PTPRZ1: variants seen among roughly 807,000 people sequenced by gnomAD.
PTPRZ1 encodes the protein protein tyrosine phosphatase receptor type Z1.
In PTPRZ1, 82 loss-of-function variants were observed where a neutral mutation model predicts 214.1. The ratio of observed to expected loss-of-function variants is 0.38; its 90% CI spans 0.32 to 0.46. PTPRZ1 has a LOEUF of 0.46. PTPRZ1 is among the 20% of genes least tolerant of loss of function. PTPRZ1 has a pLI of 1.00. For synonymous variants in PTPRZ1, 945 were observed against 987.9 expected (o/e 0.96, Z 0.81); for missense variants, 2,603 against 2,748.7 (o/e 0.95, Z 1.19).
chr7:122,022,894 G>T (rs545571652), intron 13 of PTPRZ1, among the ~76,000 whole-genome samples: 96 of 152,200 alleles, frequency 6.3e-4, no homozygotes, highest in African/African-American at 2.0e-3. Context: ...CAATGGAATC[G>T]AACTGAGAAC....
chr7:121,907,084 CTA>C (rs1459562053), intron 1 of PTPRZ1, among the ~76,000 whole-genome samples: 2 of 151,964 alleles, frequency 1.3e-5, no homozygotes, highest in Admixed American at 1.3e-4. Flanking sequence ...AAAATAAACA[CTA>C]TTCATAGAGT....
chr7:122,013,277 G>C lies in PTPRZ1; in HGVS notation c.4231G>C (p.Gly1411Arg), dbSNP rs141812059. ...ELSHSAKSDA[G>R]LVGGGEDGDT... is the part of the protein sequence containing the mutation. Reference sequence around the variant, plus strand: ...GAGTCATAGTGCCAAATCTGATGCCGGTTTAGTGGGTGGTGGTGAAGATGG... The same window carrying C: ...GAGTCATAGTGCCAAATCTGATGCCCGTTTAGTGGGTGGTGGTGAAGATGG... The change falls in exon 12 of 30, where the codon GGT (glycine) becomes CGT (arginine). Residue 1411 changes from glycine (G) to arginine (R), a missense_variant. By Grantham distance (125) the Gly-to-Arg change is moderately radical (BLOSUM62 -2). Coordinates refer to ENST00000393386, the MANE Select transcript of PTPRZ1 (RefSeq NM_002851.3). 1.2e-6 allele frequency: 2 copies of C among 1,613,426 alleles called. No homozygotes were observed. The highest frequency in any genetic ancestry group is 8.5e-7 in the Non-Finnish European group (1 of 1,179,962).
chr7:121,991,320 A>T (rs1797954926), intron 8 of PTPRZ1, among the ~76,000 whole-genome samples: 1 of 152,222 alleles, frequency 6.6e-6, no homozygotes, highest in African/African-American at 2.4e-5. Context: ...CAAGTTTTTC[A>T]TGATTAAGGT....
chr7:122,010,574 T>C lies in PTPRZ1; in HGVS notation c.1528T>C (p.Leu510=), dbSNP rs1449854017. 6 of 1,613,498 alleles carry C rather than the reference T, an allele frequency of 3.7e-6. No individual in the cohort carries two copies. The South Asian group carries it at 6.6e-5, about 18-fold the overall frequency. Residue 510 remains leucine (L), a synonymous_variant, in exon 12 of 30, where the codon TTA becomes CTA. Coordinates refer to ENST00000393386, the MANE Select transcript of PTPRZ1 (RefSeq NM_002851.3). ...TTCCACTTCCCAACCAGTCACTAAATTAGCCACAGAAAAAGATATTTCCTT... is the reference window on the plus strand; with the variant it reads ...TTCCACTTCCCAACCAGTCACTAAACTAGCCACAGAAAAAGATATTTCCTT... The part of the protein sequence containing the change: ...LNSTSQPVTK[L]ATEKDISLTS...
intron 1 of PTPRZ1, among the ~76,000 whole-genome samples, chr7:121,914,789 T>C (rs1795371270): frequency 1.3e-5 from 2 of 152,152 alleles, no homozygotes; most frequent in African/African-American, 4.8e-5. Context: ...TACTGGATAC[T>C]TGCTCTACCT....
chr7:121,949,010 C>T (rs1475421974), intron 2 of PTPRZ1, among the ~76,000 whole-genome samples: 1 of 152,030 alleles, frequency 6.6e-6, no homozygotes, highest in Non-Finnish European at 1.5e-5. Context: ...TCAGGAGGTC[C>T]CGATGTGCCC....
chr7:121,996,585 G>A lies in PTPRZ1; in HGVS notation c.1113+19G>A, dbSNP rs1365628173. The A allele has an allele frequency of 1.3e-6, 2 of 1,560,952 alleles. No individual in the cohort carries two copies. Among genetic ancestry groups the A allele is most frequent in the Non-Finnish European group, 1.7e-6 (2 of 1,146,794 alleles). ...AGACTTGGTAACTATATGATCAGTT[G>A]TTTTACATAGGGTAACATTATAATT... On this transcript the variant is annotated intron_variant, in intron 9 of 29. Coordinates refer to ENST00000393386, the MANE Select transcript of PTPRZ1 (RefSeq NM_002851.3).
At chr7:122,051,805 C>A (rs1395083332) in intron 24 of PTPRZ1, 61 bp from the exon 25 acceptor site, 1 of 1,395,764 alleles carries the variant, frequency 7.2e-7, no homozygotes, top group Non-Finnish European at 1.0e-6. Flanking sequence ...GTGCTGTGAG[C>A]ATGAGTTGTT....
chr7:122,059,575 C>A lies in PTPRZ1; in HGVS notation c.6672-178C>A, dbSNP rs1196409864. On this transcript the variant is annotated intron_variant, in intron 28 of 29. Coordinates refer to ENST00000393386, the MANE Select transcript of PTPRZ1 (RefSeq NM_002851.3). The stretch of plus-strand genomic sequence containing the variant: ...TATTCCACTATTGATATCATGAACA[C>A]TTGGCAATATTTCAGATTAAATCAT... 1.2e-5 allele frequency: 8 copies of A among 677,562 alleles called. No individual in the cohort carries two copies. The African/African-American group carries it at 1.4e-4, about 12-fold the overall frequency. The allele number at this position is 677,562 out of a possible 1,614,324, so 42.0% of individuals were successfully genotyped here. A position where few individuals can be genotyped will look rare whatever the true frequency, so the allele number is the denominator to read the frequency against.
At chr7:121,941,880 C>T (rs1228975613) in intron 2 of PTPRZ1, among the ~76,000 whole-genome samples, 3 of 152,114 alleles carry the variant, frequency 2.0e-5, no homozygotes, top group Non-Finnish European at 2.9e-5. Flanking sequence ...AATATATTCT[C>T]TTAGGAAAAC....
intron 8 of PTPRZ1, among the ~76,000 whole-genome samples, chr7:121,986,684 T>C (rs986620850): frequency 4.6e-5 from 7 of 152,204 alleles, no homozygotes; most frequent in African/African-American, 1.7e-4. Context: ...GTAATAATAA[T>C]TTATTTATCA....
chr7:121,927,623 C>T (rs995442630), intron 1 of PTPRZ1, among the ~76,000 whole-genome samples: 3 of 152,292 alleles, frequency 2.0e-5, no homozygotes, highest in South Asian at 2.1e-4. Context: ...AACATTTCTC[C>T]GAAACAACAT....
Position 122,011,822 on chromosome 7 carries a change from C to A in PTPRZ1, c.2776C>A (p.Pro926Thr). 1 of 1,614,014 alleles carries A rather than the reference C, an allele frequency of 6.2e-7. No homozygotes were observed. Among genetic ancestry groups the A allele is most frequent in the African/African-American group, 1.3e-5 (1 of 75,054 alleles). Residue 926 changes from proline (P) to threonine (T), a missense_variant, in exon 12 of 30, where the codon CCT becomes ACT. Physicochemically the swap from Pro to Thr is conservative, Grantham distance 38. Transcript: ENST00000393386. ...MMHARSSGPE[P>T]SYALSDNEGS... ...GCATGCACGTTCTTCAGGGCCTGAA[C>A]CTTCTTATGCCTTGTCTGATAATGA...
intron 13 of PTPRZ1, among the ~76,000 whole-genome samples, chr7:122,020,833 T>C (rs200896129): frequency 1.3e-5 from 2 of 151,896 alleles, no homozygotes; most frequent in East Asian, 3.9e-4. Context: ...AGATTCTTTT[T>C]TTTTTTTGCT....
At chr7:121,966,812 C>T (rs1797058963) in intron 2 of PTPRZ1, 1 of 152,148 alleles carries the variant, frequency 6.6e-6, no homozygotes, top group East Asian at 1.9e-4. Flanking sequence ...ACTCACTTAT[C>T]ACAAAAGAAG....
intron 1 of PTPRZ1, among the ~76,000 whole-genome samples, chr7:121,883,187 A>G (rs1794293614): frequency 6.6e-6 from 1 of 152,228 alleles, no homozygotes; most frequent in South Asian, 2.1e-4. Context: ...TTCTCTGAAC[A>G]GATTAACTCA....
intron 27 of PTPRZ1, 81 bp from the exon 28 acceptor site, chr7:122,058,718 CT>C: frequency 7.9e-7 from 1 of 1,271,408 alleles, no homozygotes; most frequent in Non-Finnish European, 1.1e-6. Flanking sequence ...TATTACCTTA[CT>C]GTAATTCCTG....
chr7:122,056,375 A>G (rs1427382277), intron 27 of PTPRZ1, among the ~76,000 whole-genome samples: 2 of 151,844 alleles, frequency 1.3e-5, no homozygotes, highest in African/African-American at 2.4e-5. Flanking sequence ...TGTCTCATCT[A>G]TGTAAATCAG....
chr7:121,911,195 A>G (rs1265230293), intron 1 of PTPRZ1, among the ~76,000 whole-genome samples: 1 of 152,158 alleles, frequency 6.6e-6, no homozygotes, highest in Non-Finnish European at 1.5e-5. Context: ...TATTAAAAAC[A>G]TAGTATTCTA....
Sources: gnomAD v4.1 joint callset for allele counts (sites outside exome capture counted in the v4.1 genomes callset) on GRCh38, gnomAD v4.1.1 for gene constraint, MANE v1.5 for transcripts, NCBI Gene and HGNC (gene_info 2026-07-23, HGNC 2026-07-21) for gene names.